Variants in LRRC4C observed in about 807,000 individuals in gnomAD.
LRRC4C encodes leucine rich repeat containing 4C.
In LRRC4C, 5 loss-of-function variants were observed where a neutral mutation model predicts 33.6. The ratio of observed to expected loss-of-function variants is 0.15; its 90% CI spans 0.08 to 0.31. The LOEUF is 0.31. LRRC4C is among the 10% of genes least tolerant of loss of function. LRRC4C has a pLI of 1.00. For missense variants in LRRC4C, 560 were observed against 796.7 expected, an observed-to-expected ratio of 0.70 and a Z score of 3.58; for synonymous variants, 329 against 302.0, an observed-to-expected ratio of 1.09 and a Z score of -0.93.
intron 1 of LRRC4C, among the ~76,000 whole-genome samples, chr11:41,350,035 A>T (rs1951924115): frequency 6.6e-6 from 1 of 152,162 alleles, no homozygotes; most frequent in Non-Finnish European, 1.5e-5. Flanking sequence ...TTGCAGTATC[A>T]CATGTCATAA....
intron 3 of LRRC4C, among the ~76,000 whole-genome samples, chr11:40,573,320 G>A (rs748495835): frequency 2.0e-5 from 3 of 152,128 alleles, no homozygotes; most frequent in Non-Finnish European, 4.4e-5. Context: ...TTTAAAAATC[G>A]TCTCTATCTT....
rs1591358050 is a variant in LRRC4C, at chr11:41,364,301, T to C, written c.-496+95130A>G. On this transcript the variant is annotated intron_variant, in intron 1 of 6. Transcript: ENST00000528697. The stretch of plus-strand genomic sequence containing the variant: ...ATAACCACTTTTTTTTCTTTTGAGA[T>C]GGAGTCTTGATCTGCCACCCAGGCT... Among the ~76,000 whole-genome samples, 4 of 152,264 alleles carry C rather than the reference T, an allele frequency of 2.6e-5. No individual in the cohort carries two copies. The South Asian group carries it at 8.3e-4, about 32-fold the overall frequency.
At chr11:41,132,305 A>G (rs1279414751) in intron 1 of LRRC4C, among the ~76,000 whole-genome samples, 1 of 152,172 alleles carries the variant, frequency 6.6e-6, no homozygotes, top group Non-Finnish European at 1.5e-5. Flanking sequence ...TTATTAACAA[A>G]TGTGGGTAGT....
At chr11:40,986,452 A>G (rs1052274783) in intron 1 of LRRC4C, among the ~76,000 whole-genome samples, 8 of 152,246 alleles carry the variant, frequency 5.3e-5, no homozygotes, top group Middle Eastern at 3.4e-3. Flanking sequence ...AAAAAATATT[A>G]GCTGGGTGTG....
intron 2 of LRRC4C, among the ~76,000 whole-genome samples, chr11:40,696,061 A>G (rs71484115): frequency 0.13 from 16,922 of 135,154 alleles, 1,113 homozygotes; most frequent in Middle Eastern, 0.24. Flanking sequence ...GTGTGTGTGT[A>G]TATATGAGTG....
chr11:40,394,559 C>T (rs1313108060), intron 3 of LRRC4C, among the ~76,000 whole-genome samples: 1 of 152,118 alleles, frequency 6.6e-6, no homozygotes, highest in Non-Finnish European at 1.5e-5. Context: ...AAAATAAAAA[C>T]AACTGGACAA....
intron 2 of LRRC4C, among the ~76,000 whole-genome samples, chr11:40,917,958 T>A (rs1477954714): frequency 6.6e-6 from 1 of 152,168 alleles, no homozygotes. Flanking sequence ...ATATCAAAAC[T>A]GTGTTTATTG....
intron 6 of LRRC4C, among the ~76,000 whole-genome samples, chr11:40,121,859 C>A: frequency 6.6e-6 from 1 of 152,292 alleles, no homozygotes; most frequent in South Asian, 2.1e-4. Context: ...TGTACCTCTT[C>A]TTTCCCTTCT....
intron 1 of LRRC4C, among the ~76,000 whole-genome samples, chr11:41,028,738 T>A (rs1367701595): frequency 2.0e-5 from 3 of 151,676 alleles, no homozygotes; most frequent in Non-Finnish European, 3.0e-5. Context: ...CTTTTCTGAC[T>A]CTTTATTCAT....
At chr11:41,459,359 C>G (rs988768192) in intron 1 of LRRC4C, 72 bp downstream of exon 1, 1 of 152,032 alleles carries the variant, frequency 6.6e-6, no homozygotes, top group Non-Finnish European at 1.5e-5. Context: ...ATATACATTT[C>G]CGAAAACAAG....
intron 3 of LRRC4C, among the ~76,000 whole-genome samples, chr11:40,588,894 C>A (rs1958895498): frequency 6.6e-6 from 1 of 152,090 alleles, no homozygotes; most frequent in East Asian, 1.9e-4. Context: ...GCTTTACTTC[C>A]AAGTATGTGG....
At chr11:40,773,410 CA>C (rs1949844443) in intron 2 of LRRC4C, among the ~76,000 whole-genome samples, 1 of 151,882 alleles carries the variant, frequency 6.6e-6, no homozygotes, top group Non-Finnish European at 1.5e-5. Flanking sequence ...ACAGATATTC[CA>C]TATACACTGT....
intron 5 of LRRC4C, among the ~76,000 whole-genome samples, chr11:40,207,566 C>A (rs1012786898): frequency 7.9e-5 from 12 of 152,228 alleles, no homozygotes; most frequent in Non-Finnish European, 1.5e-4. Context: ...CATGCCACTG[C>A]CACTCTAGCC....
At chr11:40,329,737 CTTTTTT>C (rs199598860) in intron 3 of LRRC4C, among the ~76,000 whole-genome samples, 2 of 120,412 alleles carry the variant, frequency 1.7e-5, no homozygotes, top group African/African-American at 6.3e-5. Flanking sequence ...CTTTCTTTTT[CTTTTTT>C]TTTTTTTTTT....
chr11:40,537,555 A>G (rs1956526810), intron 3 of LRRC4C, among the ~76,000 whole-genome samples: 1 of 152,182 alleles, frequency 6.6e-6, no homozygotes. Context: ...GCATTTTCAC[A>G]AAGACTTTAT....
intron 2 of LRRC4C, among the ~76,000 whole-genome samples, chr11:40,927,098 A>G (rs2136422906): frequency 6.6e-6 from 1 of 152,340 alleles, no homozygotes; most frequent in East Asian, 1.9e-4. Flanking sequence ...ATTATCAGTC[A>G]GGCACGGTGG....
chr11:40,392,905 G>T (rs147318340), intron 3 of LRRC4C, among the ~76,000 whole-genome samples: 14 of 152,124 alleles, frequency 9.2e-5, no homozygotes, highest in African/African-American at 3.4e-4. Flanking sequence ...ATTTCTTGGT[G>T]GGATAAAGAA....
chr11:40,250,427 C>T lies in LRRC4C; in HGVS notation c.-175-8829G>A, dbSNP rs1371893094. On this transcript the variant is annotated intron_variant, in intron 4 of 6. Coordinates refer to ENST00000528697, the MANE Select transcript of LRRC4C (RefSeq NM_001258419.2). ...CGGGCAGCAGTCCTCAAACTTTCTGCTTGAATAAACTCTCTTTAAATTTAA... is the reference window on the plus strand; with the variant it reads ...CGGGCAGCAGTCCTCAAACTTTCTGTTTGAATAAACTCTCTTTAAATTTAA... 4.6e-5 allele frequency among the ~76,000 whole-genome samples: 7 copies of T among 152,082 alleles called. No individual in the cohort carries two copies. In the South Asian group the frequency reaches 1.2e-3, roughly 27 times the overall value.
At chr11:41,247,307 C>T (rs535142660) in intron 1 of LRRC4C, among the ~76,000 whole-genome samples, 306 of 152,240 alleles carry the variant, frequency 2.0e-3, no homozygotes, top group African/African-American at 6.9e-3. Flanking sequence ...CCTCTCTGTC[C>T]AAATCAAAAC....
Sources: allele counts gnomAD v4.1 joint callset (sites outside exome capture counted in the v4.1 genomes callset), GRCh38; gene constraint gnomAD v4.1.1; transcripts MANE v1.5; gene names NCBI Gene and HGNC (gene_info 2026-07-23, HGNC 2026-07-21).